TSHZ3: variants seen among roughly 807,000 people sequenced by gnomAD.
TSHZ3 encodes teashirt zinc finger homeobox 3.
A neutral mutation model predicts 64.5 loss-of-function variants in TSHZ3; 10 were observed. That is an observed-to-expected ratio of 0.16 (90% CI 0.10 to 0.26). The LOEUF (loss-of-function observed/expected upper bound fraction) is 0.26, where lower values mean the gene tolerates loss of function less well. TSHZ3 is among the 10% of genes least tolerant of loss of function. TSHZ3 has a pLI of 1.00. For synonymous variants in TSHZ3, 608 were observed against 593.1 expected (o/e 1.03, Z -0.36); for missense variants, 1,242 against 1,421.7 (o/e 0.87, Z 2.03).
intron 5 of TSHZ3, among the ~76,000 whole-genome samples, chr19:31,184,140 G>C (rs1409410005): frequency 1.3e-5 from 2 of 152,094 alleles, no homozygotes; most frequent in African/African-American, 4.8e-5. Context: ...GAGTTCAAAA[G>C]CAAAGACCAA....
rs542825589 is a variant in TSHZ3, at chr19:31,295,658, T to C, written c.41-15906A>G. ...TGTGGAAATCCTGGAACACGAAATGTTCTGCCTCTGGACCTGGGCCCTGGA... is the reference window on the plus strand; with the variant it reads ...TGTGGAAATCCTGGAACACGAAATGCTCTGCCTCTGGACCTGGGCCCTGGA... On this transcript the variant is annotated intron_variant, in intron 1 of 1. Transcript: ENST00000240587. Among the ~76,000 whole-genome samples the C allele has an allele frequency of 1.2e-4, 18 of 152,288 alleles. No individual in the cohort carries two copies. The South Asian group carries it at 3.7e-3, about 32-fold the overall frequency.
intron 5 of TSHZ3, among the ~76,000 whole-genome samples, chr19:31,161,978 C>G (rs115566524): frequency 6.6e-6 from 1 of 152,176 alleles, no homozygotes; most frequent in Non-Finnish European, 1.5e-5. Flanking sequence ...CAACATGGGT[C>G]GTTATCTCCT....
At chr19:31,254,045 C>A (rs943511150) in intron 1 of TSHZ3, among the ~76,000 whole-genome samples, 4 of 152,156 alleles carry the variant, frequency 2.6e-5, no homozygotes, top group Non-Finnish European at 5.9e-5. Context: ...ACAGAACAGA[C>A]CGGCTCACAG....
At chr19:31,187,212 T>C (rs116589486) in intron 5 of TSHZ3, among the ~76,000 whole-genome samples, 9 of 152,258 alleles carry the variant, frequency 5.9e-5, no homozygotes, top group African/African-American at 2.2e-4. Context: ...TATCACCATA[T>C]TATAGTTTTT....
chr19:31,276,612 T>C lies in TSHZ3; in HGVS notation c.3181A>G (p.Ser1061Gly). The change falls in exon 2 of 2, where the codon AGC becomes GGC. Residue 1061 changes from serine (S) to glycine (G), a missense_variant. Ser to Gly is a moderately conservative substitution (Grantham distance 56). Coordinates refer to ENST00000240587, the MANE Select transcript of TSHZ3 (RefSeq NM_020856.4). ...TCCGGAGATTTCCCGTGTGTTTTGC[T>C]AAGGTGAAGTTTAACAGCGTGCTTG... ...ASKHAVKLHL[S>G]KTHGKSPEDH... 6.2e-7 allele frequency: 1 copy of C among 1,604,816 alleles called. No homozygotes were observed. The highest frequency in any genetic ancestry group is 8.5e-7 in the Non-Finnish European group (1 of 1,173,128).
At chr19:31,265,685 C>A (rs575090336) in intron 1 of TSHZ3, among the ~76,000 whole-genome samples, 1 of 152,264 alleles carries the variant, frequency 6.6e-6, no homozygotes, top group East Asian at 1.9e-4. Flanking sequence ...GACCTTCAGG[C>A]AGAGCCAGGC....
intron 1 of TSHZ3, among the ~76,000 whole-genome samples, chr19:31,346,540 C>T (rs867170924): frequency 3.3e-5 from 5 of 152,058 alleles, no homozygotes; most frequent in African/African-American, 4.8e-5. Flanking sequence ...TATGGCTGAG[C>T]GGACCTTTCA....
intron 5 of TSHZ3, among the ~76,000 whole-genome samples, chr19:31,180,936 C>T (rs923998131): frequency 3.9e-5 from 6 of 152,172 alleles, no homozygotes; most frequent in Non-Finnish European, 8.8e-5. Context: ...AAAAGATGAG[C>T]GATGTCACCA....
At chr19:31,163,569 A>G (rs1974399156) in intron 5 of TSHZ3, among the ~76,000 whole-genome samples, 1 of 152,096 alleles carries the variant, frequency 6.6e-6, no homozygotes, top group Non-Finnish European at 1.5e-5. Context: ...CACCTCTACT[A>G]AAAACACAAA....
chr19:31,176,893 A>G (rs1974616349), intron 5 of TSHZ3, among the ~76,000 whole-genome samples: 1 of 152,236 alleles, frequency 6.6e-6, no homozygotes, highest in Non-Finnish European at 1.5e-5. Context: ...CCAAGAGCTG[A>G]CAAGAACCTG....
chr19:31,202,271 T>A (rs986291285), intron 5 of TSHZ3, among the ~76,000 whole-genome samples: 2 of 151,994 alleles, frequency 1.3e-5, no homozygotes, highest in African/African-American at 4.8e-5. Context: ...AATTTAGAAA[T>A]CACTAATGAC....
At chr19:31,314,125 C>T (rs1240850575) in intron 1 of TSHZ3, among the ~76,000 whole-genome samples, 1 of 152,154 alleles carries the variant, frequency 6.6e-6, no homozygotes, top group Non-Finnish European at 1.5e-5. Flanking sequence ...GACATGATGA[C>T]ACAGGGTTGC....
At chr19:31,228,077 C>G (rs989095264) in exon 4 of TSHZ3, among the ~76,000 whole-genome samples, 1 of 152,180 alleles carries the variant, frequency 6.6e-6, no homozygotes, top group Non-Finnish European at 1.5e-5. Flanking sequence ...CGTGGAACAT[C>G]TAGAGTCATC....
intron 3 of TSHZ3, among the ~76,000 whole-genome samples, chr19:31,231,130 A>G (rs763333717): frequency 1.2e-4 from 19 of 152,268 alleles, no homozygotes; most frequent in Non-Finnish European, 2.5e-4. Context: ...TTTATTAAGC[A>G]CTTGGTATTT....
At chr19:31,348,028 AG>A (rs1157137990) in intron 1 of TSHZ3, among the ~76,000 whole-genome samples, 1 of 152,184 alleles carries the variant, frequency 6.6e-6, no homozygotes, top group Non-Finnish European at 1.5e-5. Context: ...GGAAGAGAAA[AG>A]AAAAGAAAGG....
chr19:31,193,435 T>A (rs890563298), intron 5 of TSHZ3, among the ~76,000 whole-genome samples: 1 of 152,096 alleles, frequency 6.6e-6, no homozygotes, highest in Admixed American at 6.5e-5. Flanking sequence ...GAGGGAACAA[T>A]CTCAAAAGAC....
intron 1 of TSHZ3, among the ~76,000 whole-genome samples, chr19:31,251,896 G>A (rs760890249): frequency 2.0e-5 from 3 of 152,192 alleles, no homozygotes; most frequent in Non-Finnish European, 4.4e-5. Flanking sequence ...AACCGCCTCT[G>A]CTCAAGGGCT....
chr19:31,238,210 C>T (rs1358327627), intron 3 of TSHZ3, among the ~76,000 whole-genome samples: 1 of 148,696 alleles, frequency 6.7e-6, no homozygotes. Flanking sequence ...ATCATTGTGG[C>T]TTTGTCCATT....
At chr19:31,224,278 A>C (rs897251232) in intron 4 of TSHZ3, among the ~76,000 whole-genome samples, 4 of 152,150 alleles carry the variant, frequency 2.6e-5, no homozygotes, top group Non-Finnish European at 5.9e-5. Context: ...GTCCCTCCCT[A>C]GGGAGTAGAG....
Sources: allele counts gnomAD v4.1 joint callset (sites outside exome capture counted in the v4.1 genomes callset), GRCh38; gene constraint gnomAD v4.1.1; transcripts MANE v1.5; gene names NCBI Gene and HGNC (gene_info 2026-07-23, HGNC 2026-07-21).